Variants in IL1RAP observed in about 807,000 individuals in gnomAD.
IL1RAP encodes interleukin-1 receptor accessory protein.
IL1RAP carries 35 observed loss-of-function variants against 60.7 expected under a neutral mutation model. That is an observed-to-expected ratio of 0.58 (90% CI 0.44 to 0.76). The LOEUF is 0.76. Among genes scored for constraint, IL1RAP ranks in the 30% least tolerant of loss-of-function variants. The probability of loss-of-function intolerance (pLI) is 0.00; values close to 1 mark genes in which losing one functional copy is unlikely to be tolerated. For missense variants in IL1RAP, 572 were observed against 693.9 expected (o/e 0.82, Z 1.97); for synonymous variants, 268 against 250.9 (o/e 1.07, Z -0.64).
At position 190,578,814 on chromosome 3, in the gene IL1RAP, G is replaced by A. The variant is rs191496985; in HGVS notation, c.64+14461G>A. 3.3e-5 allele frequency among the ~76,000 whole-genome samples: 5 copies of A among 152,334 alleles called. No individual in the cohort carries two copies. The East Asian group carries it at 9.7e-4, about 29-fold the overall frequency. On this transcript the variant is annotated intron_variant, in intron 3 of 11. Coordinates refer to ENST00000447382, the MANE Select transcript of IL1RAP (RefSeq NM_002182.4). The stretch of plus-strand genomic sequence containing the variant: ...CAAAGGCATGTCCTACATGGCAGCA[G>A]GCCAGAGAGCGTGTGCAGGGGAACT...
intron 3 of IL1RAP, among the ~76,000 whole-genome samples, chr3:190,597,634 A>G (rs1017301397): frequency 6.6e-6 from 1 of 152,288 alleles, no homozygotes; most frequent in East Asian, 1.9e-4. Context: ...CATGGCCCCA[A>G]CCCAATTACC....
chr3:190,520,294 A>G (rs1187487508), intron 1 of IL1RAP, among the ~76,000 whole-genome samples: 2 of 152,280 alleles, frequency 1.3e-5, no homozygotes, highest in African/African-American at 4.8e-5. Context: ...CCCAAAATTG[A>G]CTTTCTGGAT....
intron 4 of IL1RAP, among the ~76,000 whole-genome samples, chr3:190,607,769 CACA>C (rs1730467617): frequency 6.6e-6 from 1 of 152,142 alleles, no homozygotes; most frequent in Admixed American, 6.6e-5. Context: ...TATACATTCT[CACA>C]ACAACTTGGA....
At chr3:190,527,404 G>T (rs1293897532) in intron 1 of IL1RAP, among the ~76,000 whole-genome samples, 1 of 152,228 alleles carries the variant, frequency 6.6e-6, no homozygotes, top group Non-Finnish European at 1.5e-5. Context: ...TTGCAGGGCT[G>T]TGGTGATAAA....
chr3:190,647,725 G>T (rs1734116279), intron 11 of IL1RAP, among the ~76,000 whole-genome samples: 1 of 152,190 alleles, frequency 6.6e-6, no homozygotes, highest in South Asian at 2.1e-4. Context: ...ATGCCATTCA[G>T]TTGGCTAGAT....
intron 5 of IL1RAP, among the ~76,000 whole-genome samples, chr3:190,612,766 A>G (rs2108773626): frequency 6.6e-6 from 1 of 152,314 alleles, no homozygotes; most frequent in Non-Finnish European, 1.5e-5. Context: ...ACATTATCAT[A>G]AAGTGGAAAA....
exon 12 of IL1RAP, chr3:190,657,124 CT>C (rs1734643285): frequency 1.3e-5 from 2 of 152,480 alleles, no homozygotes; most frequent in Admixed American, 1.3e-4. Flanking sequence ...ATGGCGTTCT[CT>C]GTCTCACTGT....
intron 3 of IL1RAP, among the ~76,000 whole-genome samples, chr3:190,577,808 G>T (rs977122311): frequency 6.6e-6 from 1 of 152,082 alleles, no homozygotes. Context: ...GCCTACCAAA[G>T]TACTGGGATT....
chr3:190,551,144 C>T (rs1392343391), intron 1 of IL1RAP, among the ~76,000 whole-genome samples: 1 of 152,194 alleles, frequency 6.6e-6, no homozygotes, highest in Non-Finnish European at 1.5e-5. Context: ...TAGAAAGTGA[C>T]ATTCTCTACT....
At chr3:190,562,105 G>T (rs1291205926) in intron 2 of IL1RAP, among the ~76,000 whole-genome samples, 1 of 152,140 alleles carries the variant, frequency 6.6e-6, no homozygotes, top group Non-Finnish European at 1.5e-5. Flanking sequence ...CCTTGTGCTT[G>T]AGCAAAACTC....
chr3:190,541,113 T>C (rs979017113), intron 1 of IL1RAP, among the ~76,000 whole-genome samples: 1 of 151,976 alleles, frequency 6.6e-6, no homozygotes. Flanking sequence ...AACTCTCCCA[T>C]AGAAACTGGG....
At chr3:190,625,624 T>G (rs557958648) in intron 7 of IL1RAP, among the ~76,000 whole-genome samples, 1 of 152,318 alleles carries the variant, frequency 6.6e-6, no homozygotes, top group African/African-American at 2.4e-5. Flanking sequence ...GTATGTTATG[T>G]ATGTTGACAG....
chr3:190,628,847 T>C (rs1025672940), intron 8 of IL1RAP, among the ~76,000 whole-genome samples: 7 of 152,220 alleles, frequency 4.6e-5, no homozygotes, highest in African/African-American at 1.7e-4. Flanking sequence ...CCTTAGCATA[T>C]TCAGTCCTCA....
At chr3:190,644,497 A>G in intron 10 of IL1RAP, 100 bp downstream of exon 10, 2 of 900,962 alleles carry the variant, frequency 2.2e-6, no homozygotes, top group Non-Finnish European at 3.5e-6. Context: ...TGAAAAACCT[A>G]GATTAACTGG....
chr3:190,530,311 C>G (rs530832940), intron 1 of IL1RAP, among the ~76,000 whole-genome samples: 1 of 152,072 alleles, frequency 6.6e-6, no homozygotes, highest in South Asian at 2.1e-4. Flanking sequence ...TGAATATTCT[C>G]GAGTAAGGGA....
rs1041185601 is a variant in IL1RAP, at chr3:190,650,526, C to T, written c.*1821C>T. The T allele has an allele frequency of 1.2e-4, 119 of 979,078 alleles. No individual in the cohort carries two copies. The Admixed American group carries it at 2.6e-3, about 22-fold the overall frequency. 60.6% of individuals were successfully genotyped at this position (979,078 alleles called of 1,614,324 possible). A position where few individuals can be genotyped will look rare whatever the true frequency, so the allele number is the denominator to read the frequency against. On this transcript the variant is annotated 3_prime_UTR_variant, in exon 12 of 12. Transcript: ENST00000447382. ...TGGTATCCTGTGAAACAGAATAATT[C>T]GTAATTTAAGAAAGCCCTTATCCCG...
intron 9 of IL1RAP, among the ~76,000 whole-genome samples, chr3:190,637,613 G>A (rs1733324655): frequency 6.6e-6 from 1 of 151,900 alleles, no homozygotes; most frequent in Admixed American, 6.6e-5. Context: ...TCTTTTCTAG[G>A]TAAAATTTGC....
intron 10 of IL1RAP, 69 bp downstream of exon 10, chr3:190,644,466 A>C: frequency 2.4e-6 from 3 of 1,248,318 alleles, no homozygotes; most frequent in Non-Finnish European, 3.4e-6. Context: ...TAAAAAAAAG[A>C]AAAAAGAAAA....
In IL1RAP at chr3:190,564,288, G is replaced by A; in HGVS notation, c.-1-1G>A. On this transcript the variant is annotated splice_acceptor_variant, in intron 2 of 11. Coordinates refer to ENST00000447382, the MANE Select transcript of IL1RAP (RefSeq NM_002182.4). LOFTEE classifies it low-confidence loss of function (5UTR_SPLICE). ...CCTTACCTTTGTATTTATGGTTACA[G>A]GATGACACTTCTGTGGTGTGTAGTG... 1 of 1,603,318 alleles carries A rather than the reference G, an allele frequency of 6.2e-7. No individual in the cohort carries two copies. The highest frequency in any genetic ancestry group is 8.5e-7 in the Non-Finnish European group (1 of 1,170,428).
Sources: gnomAD v4.1 joint callset for allele counts (sites outside exome capture counted in the v4.1 genomes callset) on GRCh38, gnomAD v4.1.1 for gene constraint, MANE v1.5 for transcripts, NCBI Gene and HGNC (gene_info 2026-07-23, HGNC 2026-07-21) for gene names.